Variants in FARS2 observed in about 807,000 individuals in gnomAD.
FARS2 encodes phenylalanine--tRNA ligase, mitochondrial.
FARS2 carries 40 observed loss-of-function variants against 46.4 expected under a neutral mutation model. The ratio of observed to expected loss-of-function variants is 0.86; its 90% CI spans 0.67 to 1.12. The LOEUF (loss-of-function observed/expected upper bound fraction) is 1.12. Among genes scored for constraint, FARS2 ranks in the 50% most tolerant of loss-of-function variants. FARS2 has a pLI of 0.00. For missense variants in FARS2, 513 were observed against 567.9 expected, an observed-to-expected ratio of 0.90 and a Z score of 0.98; for synonymous variants, 234 against 214.9, an observed-to-expected ratio of 1.09 and a Z score of -0.78.
intron 2 of FARS2, chr6:5,371,031 A>G: frequency 5.3e-6 from 1 of 186,922 alleles, no homozygotes; most frequent in Non-Finnish European, 1.0e-5. Context: ...AAAGTTGCTG[A>G]AGCAGTTAGT....
intron 4 of FARS2, among the ~76,000 whole-genome samples, chr6:5,516,851 G>A (rs1768828874): frequency 6.6e-6 from 1 of 152,174 alleles, no homozygotes; most frequent in Non-Finnish European, 1.5e-5. Flanking sequence ...TCCAGCTTCA[G>A]TGGTGTGCAT....
At chr6:5,253,449 T>C in the FARS2 span, among the ~76,000 whole-genome samples, 2 of 152,166 alleles carry the variant, frequency 1.3e-5, no homozygotes, top group African/African-American at 4.8e-5. Flanking sequence ...GCTAATGACT[T>C]GCTGTTTATG....
chr6:5,578,808 C>CAAAAAAAAAAAAAAAA (rs56248218), intron 5 of FARS2, among the ~76,000 whole-genome samples: 76 of 124,334 alleles, frequency 6.1e-4, no homozygotes, highest in East Asian at 1.1e-3. Flanking sequence ...CACTCCGTCT[C>CAAAAAAAAAAAAAAAA]AAAAAAAAAA....
intron 3 of FARS2, among the ~76,000 whole-genome samples, chr6:5,408,196 G>A (rs912253661): frequency 6.6e-6 from 1 of 152,204 alleles, no homozygotes; most frequent in African/African-American, 2.4e-5. Flanking sequence ...TCTCTCCTTG[G>A]GAAACATAGG....
intron 5 of FARS2, among the ~76,000 whole-genome samples, chr6:5,596,555 T>A (rs1774212985): frequency 6.6e-6 from 1 of 152,222 alleles, no homozygotes; most frequent in Non-Finnish European, 1.5e-5. Flanking sequence ...GGCTTGGAAT[T>A]TTAGCTCTTA....
chr6:5,522,577 CT>C (rs1769212037), intron 4 of FARS2, among the ~76,000 whole-genome samples: 1 of 152,220 alleles, frequency 6.6e-6, no homozygotes, highest in African/African-American at 2.4e-5. Flanking sequence ...ATGTTTTTGG[CT>C]TTGCCAACCA....
At chr6:5,695,164 G>A (rs1181083141) in intron 6 of FARS2, 2 of 152,316 alleles carry the variant, frequency 1.3e-5, no homozygotes, top group South Asian at 2.1e-4. Flanking sequence ...GTGTATCCAC[G>A]TAGCCTTCAC....
intron 6 of FARS2, among the ~76,000 whole-genome samples, chr6:5,668,659 G>A (rs941749870): frequency 2.7e-5 from 4 of 146,498 alleles, no homozygotes; most frequent in Non-Finnish European, 6.0e-5. Context: ...ATGTTACCTT[G>A]AGCAAGTTTC....
intron 5 of FARS2, among the ~76,000 whole-genome samples, chr6:5,588,446 CTGTT>C (rs1773740409): frequency 6.6e-6 from 1 of 152,178 alleles, no homozygotes; most frequent in Non-Finnish European, 1.5e-5. Context: ...AAGCAGCACA[CTGTT>C]TGGCCCATGA....
At chr6:5,594,254 T>C (rs1774078601) in intron 5 of FARS2, among the ~76,000 whole-genome samples, 1 of 152,204 alleles carries the variant, frequency 6.6e-6, no homozygotes, top group Non-Finnish European at 1.5e-5. Flanking sequence ...AGCAGAGGAT[T>C]CGTGCCTGAA....
intron 6 of FARS2, among the ~76,000 whole-genome samples, chr6:5,707,947 G>A (rs1758862997): frequency 6.6e-6 from 1 of 152,238 alleles, no homozygotes; most frequent in African/African-American, 2.4e-5. Context: ...AATTCCTTAT[G>A]GCTGTGGCAA....
At chr6:5,725,734 G>A (rs951841638) in intron 6 of FARS2, among the ~76,000 whole-genome samples, 2 of 152,160 alleles carry the variant, frequency 1.3e-5, no homozygotes, top group Non-Finnish European at 2.9e-5. Context: ...TCAGGAGTTC[G>A]AGACCAGCCT....
chr6:5,724,016 G>A (rs1012687566), intron 6 of FARS2, among the ~76,000 whole-genome samples: 30 of 152,184 alleles, frequency 2.0e-4, no homozygotes, highest in African/African-American at 7.2e-4. Flanking sequence ...AGAAAGAGTG[G>A]GCTCGGCGGG....
intron 1 of FARS2, among the ~76,000 whole-genome samples, chr6:5,328,803 AC>A (rs1770582607): frequency 6.6e-6 from 1 of 152,024 alleles, no homozygotes; most frequent in Non-Finnish European, 1.5e-5. Context: ...TAACATGTAG[AC>A]TTTTTCTCTG....
At chr6:5,481,405 G>T (rs1207501181) in intron 4 of FARS2, among the ~76,000 whole-genome samples, 1 of 152,238 alleles carries the variant, frequency 6.6e-6, no homozygotes, top group Non-Finnish European at 1.5e-5. Flanking sequence ...GGGGCACATT[G>T]CAAGCTGTCC....
rs973256501 is a variant in FARS2 at position 5,764,755 on chromosome 6, C to T, written c.1218-6536C>T. Among the ~76,000 whole-genome samples the T allele has an allele frequency of 2.6e-5, 4 of 152,168 alleles. No individual in the cohort carries two copies. The highest frequency in any genetic ancestry group is 4.8e-5 in the African/African-American group (2 of 41,438). On this transcript the variant is annotated intron_variant, in intron 6 of 6. Coordinates refer to ENST00000274680, the MANE Select transcript of FARS2 (RefSeq NM_006567.5). The surrounding 1 kb of genome is among the most constrained non-coding windows in gnomAD (Gnocchi z 4.1). ...AGGAGCTGGGATTTGGCTGGATCCC[C>T]TGGAAAGGTTTTATTTTGAGTGCAG...
At chr6:5,766,821 T>C (rs1283824181) in intron 6 of FARS2, among the ~76,000 whole-genome samples, 1 of 152,112 alleles carries the variant, frequency 6.6e-6, no homozygotes, top group Non-Finnish European at 1.5e-5. Context: ...CAGTCTCCCC[T>C]ATGACCCCTG....
chr6:5,534,437 C>G (rs1372551456), intron 4 of FARS2, among the ~76,000 whole-genome samples: 1 of 152,200 alleles, frequency 6.6e-6, no homozygotes, highest in African/African-American at 2.4e-5. Context: ...ATTAACTCCC[C>G]ATTCCATGCT....
chr6:5,298,007 G>C (rs1341702958), intron 1 of FARS2, among the ~76,000 whole-genome samples: 1 of 152,246 alleles, frequency 6.6e-6, no homozygotes, highest in African/African-American at 2.4e-5. Context: ...GGAGGGCATC[G>C]ATGGTAAACA....
Sources: allele counts gnomAD v4.1 joint callset (sites outside exome capture counted in the v4.1 genomes callset), GRCh38; gene constraint gnomAD v4.1.1; non-coding constraint Gnocchi (gnomAD v3.1); transcripts MANE v1.5; gene names NCBI Gene and HGNC (gene_info 2026-07-23, HGNC 2026-07-21).